Variants in NT5C3A observed in about 807,000 individuals in gnomAD.
NT5C3A encodes the protein cytosolic 5'-nucleotidase 3A.
NT5C3A carries 23 observed loss-of-function variants against 40.0 expected under a neutral mutation model. The observed-to-expected ratio is 0.58, with a 90% CI of 0.41 to 0.81. The LOEUF is 0.81. Among genes scored for constraint, NT5C3A ranks in the 40% least tolerant of loss-of-function variants. The pLI is 0.00. For missense variants in NT5C3A, 328 were observed against 403.0 expected (o/e 0.81, Z 1.59); for synonymous variants, 130 against 141.4 (o/e 0.92, Z 0.57).
chr7:33,062,580 C>G lies in NT5C3A; in HGVS notation c.126G>C (p.Lys42Asn), dbSNP rs1787826077. The G allele has an allele frequency of 6.2e-7, 1 of 1,610,272 alleles. No individual in the cohort carries two copies. The highest frequency in any genetic ancestry group is 8.5e-7 in the Non-Finnish European group (1 of 1,179,044). The change falls in exon 1 of 9, where the codon AAG (lysine) becomes AAC (asparagine). Residue 42 changes from lysine to asparagine, a missense_variant. Around this residue, in one of 3 missense-constraint regions of NT5C3A, gnomAD observed 280 missense variants for 317.2 expected, o/e 0.88. Coordinates refer to ENST00000610140, the MANE Select transcript of NT5C3A (RefSeq NM_001002010.5). ...CCTCCACACTCACCATCTCGATGAT[C>G]TTGGTCTTCCGCCCCGTCTTCCTCT... is the stretch of plus-strand genomic sequence containing the variant. ...TLKRKTGRKT[K>N]IIEMMPEFQK...
chr7:33,021,807 G>T, intron 4 of NT5C3A: 2 of 499,576 alleles, frequency 4.0e-6, no homozygotes, highest in South Asian at 2.4e-5. Context: ...GAATACTTTG[G>T]TAATCATTTA....
At chr7:33,017,656 T>C in intron 6 of NT5C3A, 55 bp from the exon 7 acceptor site, 9 of 1,395,650 alleles carry the variant, frequency 6.4e-6, no homozygotes, top group Non-Finnish European at 9.2e-6. Context: ...AGTTCCTTTT[T>C]ACTTAGAAGC....
intron 1 of NT5C3A, among the ~76,000 whole-genome samples, chr7:33,052,281 C>T (rs1327100787): frequency 1.3e-5 from 2 of 151,854 alleles, no homozygotes; most frequent in African/African-American, 4.8e-5. Flanking sequence ...GTCAGGAGTT[C>T]GAGACCAGCT....
intron 1 of NT5C3A, among the ~76,000 whole-genome samples, chr7:33,056,499 AAAAAAAAAAAAAAAAAAT>A (rs1787577524): frequency 7.2e-6 from 1 of 139,786 alleles, no homozygotes; most frequent in African/African-American, 2.9e-5. Context: ...AAAAAAAAAA[AAAAAAAAAAAAAAAAAAT>A]TTAACTTAGC....
intron 7 of NT5C3A, among the ~76,000 whole-genome samples, chr7:33,016,403 G>T (rs191139527): frequency 4.3e-4 from 65 of 151,684 alleles, no homozygotes; most frequent in Non-Finnish European, 8.0e-4. Context: ...CGGGCACAGT[G>T]GTTCACGCCT....
intron 6 of NT5C3A, among the ~76,000 whole-genome samples, chr7:33,018,323 C>T (rs1239918766): frequency 6.6e-6 from 1 of 152,186 alleles, no homozygotes; most frequent in East Asian, 1.9e-4. Context: ...TGTGTCTTTA[C>T]TAAGATCTTA....
chr7:33,028,931 T>C (rs918341960), intron 1 of NT5C3A, among the ~76,000 whole-genome samples: 21 of 151,754 alleles, frequency 1.4e-4, no homozygotes, highest in Admixed American at 1.4e-3. Flanking sequence ...GGCGGGTGCC[T>C]GTAGTCCCAG....
intron 1 of NT5C3A, among the ~76,000 whole-genome samples, chr7:33,037,286 C>T (rs572253614): frequency 2.6e-5 from 4 of 152,136 alleles, no homozygotes; most frequent in Non-Finnish European, 2.9e-5. Context: ...GTTTTTAAAA[C>T]ATCTCTCATC....
rs900530852 is a variant in NT5C3A at position 33,017,559 on chromosome 7, G to T, written c.573C>A (p.Ser191Arg). Residue 191 changes from serine to arginine, a missense_variant, in exon 7 of 9, where the codon AGC becomes AGA. This residue lies in a region of NT5C3A where 280 missense variants were observed against 317.2 expected (regional missense o/e 0.88). Transcript: ENST00000610140. ...ENFFDKLQQH[S>R]IPVFIFSAGI... Reference sequence around the variant, plus strand: ...CAGCCGAAAATATGAACACGGGGATGCTATGTTGTTGGAGCTTATCAAAGA... The same window carrying T: ...CAGCCGAAAATATGAACACGGGGATTCTATGTTGTTGGAGCTTATCAAAGA... The T allele has an allele frequency of 1.2e-6, 2 of 1,613,760 alleles. No individual in the cohort carries two copies. Among genetic ancestry groups the T allele is most frequent in the East Asian group, 4.5e-5 (2 of 44,880 alleles).
chr7:33,037,216 T>G (rs1786656170), intron 1 of NT5C3A, among the ~76,000 whole-genome samples: 1 of 152,230 alleles, frequency 6.6e-6, no homozygotes, highest in Non-Finnish European at 1.5e-5. Flanking sequence ...ATCAACTGAA[T>G]GAACCTTTTA....
At chr7:33,057,797 G>A (rs1048832600) in intron 1 of NT5C3A, among the ~76,000 whole-genome samples, 8 of 152,030 alleles carry the variant, frequency 5.3e-5, no homozygotes, top group Non-Finnish European at 7.4e-5. Context: ...TATTTAAATT[G>A]GAAATGACCA....
intron 1 of NT5C3A, among the ~76,000 whole-genome samples, chr7:33,033,789 G>A (rs1786419384): frequency 6.6e-6 from 1 of 151,624 alleles, no homozygotes. Context: ...ACAGAGAAGT[G>A]TGCATGTAAA....
chr7:33,048,801 C>T (rs1440961146), intron 1 of NT5C3A, among the ~76,000 whole-genome samples: 1 of 152,206 alleles, frequency 6.6e-6, no homozygotes, highest in East Asian at 1.9e-4. Context: ...TGCTGGATAT[C>T]TCCCCATATC....
chr7:33,023,298 G>A (rs1370839714), intron 3 of NT5C3A, among the ~76,000 whole-genome samples: 1 of 151,354 alleles, frequency 6.6e-6, no homozygotes, highest in Admixed American at 6.6e-5. Flanking sequence ...TCACTCTGTT[G>A]CCCAGGCTGG....
chr7:33,031,987 T>C (rs949165666), intron 1 of NT5C3A, among the ~76,000 whole-genome samples: 5 of 84,574 alleles, frequency 5.9e-5, no homozygotes, highest in African/African-American at 2.6e-4. Context: ...TAGCTGGGCA[T>C]GGTAGCACAT....
intron 1 of NT5C3A, among the ~76,000 whole-genome samples, chr7:33,051,872 C>T (rs1583965802): frequency 1.3e-5 from 2 of 152,066 alleles, no homozygotes; most frequent in Non-Finnish European, 2.9e-5. Flanking sequence ...ACAATGTGGT[C>T]CCAACACACT....
At chr7:33,023,966 C>G in intron 3 of NT5C3A, 73 bp downstream of exon 3, 1 of 864,774 alleles carries the variant, frequency 1.2e-6, no homozygotes, top group Non-Finnish European at 1.9e-6. Context: ...AGTTATCTCA[C>G]AGGTAATATA....
At chr7:33,060,951 A>T (rs1448795332) in intron 1 of NT5C3A, among the ~76,000 whole-genome samples, 1 of 152,248 alleles carries the variant, frequency 6.6e-6, no homozygotes, top group East Asian at 1.9e-4. Context: ...CTATGCATAC[A>T]TGTAAATATT....
intron 8 of NT5C3A, among the ~76,000 whole-genome samples, chr7:33,015,134 T>G (rs965279291): frequency 1.3e-5 from 2 of 152,164 alleles, no homozygotes; most frequent in African/African-American, 2.4e-5. Flanking sequence ...GGCAGGAGAC[T>G]GCTATCCAGC....
Sources: allele counts gnomAD v4.1 joint callset (sites outside exome capture counted in the v4.1 genomes callset), GRCh38; gene constraint gnomAD v4.1.1; regional missense constraint gnomAD v4.1.1; transcripts MANE v1.5; gene names NCBI Gene and HGNC (gene_info 2026-07-23, HGNC 2026-07-21).